ZBTB20: variants seen among roughly 807,000 people sequenced by gnomAD.
ZBTB20 encodes zinc finger and BTB domain-containing protein 20.
In ZBTB20, 9 loss-of-function variants were observed where a neutral mutation model predicts 56.9. The ratio of observed to expected loss-of-function variants is 0.16; its 90% CI spans 0.10 to 0.28. ZBTB20 has a LOEUF of 0.28. Among genes scored for constraint, ZBTB20 ranks in the 10% least tolerant of loss-of-function variants. ZBTB20 has a pLI of 1.00. For synonymous variants in ZBTB20, 417 were observed against 420.7 expected (o/e 0.99, Z 0.11); for missense variants, 655 against 1,003.0 (o/e 0.65, Z 4.69).
chr3:114,506,979 G>A lies in ZBTB20; in HGVS notation c.-294-6588C>T, dbSNP rs556498936. ...GTGAAACACAGCACGACACTCCAAT[G>A]TTTGTTGAATAAATGCTGTCCGTCT... is the stretch of plus-strand genomic sequence containing the variant. On this transcript the variant is annotated intron_variant, in intron 6 of 11. Transcript: ENST00000675478. Among the ~76,000 whole-genome samples the A allele has an allele frequency of 3.3e-5, 5 of 152,288 alleles. No individual in the cohort carries two copies. The South Asian group carries it at 1.0e-3, about 32-fold the overall frequency.
intron 8 of ZBTB20, among the ~76,000 whole-genome samples, chr3:114,381,287 T>C (rs1418442699): frequency 5.3e-5 from 8 of 152,176 alleles, no homozygotes; most frequent in Admixed American, 5.2e-4. Flanking sequence ...TGTGATTGTG[T>C]GTTTGGGACA....
intron 1 of ZBTB20, among the ~76,000 whole-genome samples, chr3:115,094,534 A>T (rs2083308908): frequency 6.6e-6 from 1 of 151,466 alleles, no homozygotes; most frequent in Admixed American, 6.6e-5. Context: ...GTTTTCTGCT[A>T]GTAATAGCTT....
intron 6 of ZBTB20, among the ~76,000 whole-genome samples, chr3:114,569,270 A>AT (rs2053150000): frequency 6.6e-6 from 1 of 152,182 alleles, no homozygotes; most frequent in East Asian, 1.9e-4. Context: ...TCCATTGCAC[A>AT]TTTTTTAGCC....
rs1159538311 is a variant in ZBTB20 at position 114,420,476 on chromosome 3, G to T, written c.-254-31371C>A. On this transcript the variant is annotated intron_variant, in intron 7 of 11. Transcript: ENST00000675478. ...CCATTGGAGCTGAACGAATAAAAAG[G>T]TGTCTTGCCCGCCTGTGCACATACA... Among the ~76,000 whole-genome samples the T allele has an allele frequency of 5.3e-5, 8 of 152,124 alleles. No individual in the cohort carries two copies. In the South Asian group the frequency reaches 1.7e-3, roughly 31 times the overall value.
rs570213416 is a variant in ZBTB20, at chr3:114,918,214, C to T, written c.-455-17872G>A. On this transcript the variant is annotated intron_variant, in intron 3 of 11. Coordinates refer to ENST00000675478, the MANE Select transcript of ZBTB20 (RefSeq NM_001348800.3). ...CAAGACCCAAAGGTTCTTCAGTCAG[C>T]TTGTGGTGAATGCTGCCAGGCCTGG... Among the ~76,000 whole-genome samples, 4 of 152,236 alleles carry T rather than the reference C, an allele frequency of 2.6e-5. No homozygotes were observed. The East Asian group carries it at 7.8e-4, about 30-fold the overall frequency.
At position 114,806,690 on chromosome 3, in the gene ZBTB20, T is replaced by A. The variant is rs2072131327; in HGVS notation, c.-416-5516A>T. Reference sequence around the variant, plus strand: ...TTTCTAACCCAAAGTCATGAAGATTTTCTCCTGTTTTCTTCTAGAAATTTT... The same window carrying A: ...TTTCTAACCCAAAGTCATGAAGATTATCTCCTGTTTTCTTCTAGAAATTTT... On this transcript the variant is annotated intron_variant, in intron 4 of 11. Coordinates refer to ENST00000675478, the MANE Select transcript of ZBTB20 (RefSeq NM_001348800.3). 2.0e-5 allele frequency among the ~76,000 whole-genome samples: 3 copies of A among 152,030 alleles called. No individual in the cohort carries two copies. The South Asian group carries it at 6.2e-4, about 32-fold the overall frequency.
At chr3:114,696,120 G>A (rs1462823623) in intron 5 of ZBTB20, among the ~76,000 whole-genome samples, 1 of 152,018 alleles carries the variant, frequency 6.6e-6, no homozygotes, top group African/African-American at 2.4e-5. Flanking sequence ...TCACCCAGTT[G>A]TTAAAACAGA....
intron 2 of ZBTB20, among the ~76,000 whole-genome samples, chr3:115,017,558 T>A (rs1370768640): frequency 6.6e-6 from 1 of 151,660 alleles, no homozygotes; most frequent in African/African-American, 2.4e-5. Context: ...AGATGGCAAT[T>A]TTTATTTAGA....
intron 5 of ZBTB20, among the ~76,000 whole-genome samples, chr3:114,761,695 G>T (rs920014467): frequency 6.6e-6 from 1 of 151,852 alleles, no homozygotes; most frequent in Admixed American, 6.6e-5. Context: ...ACTAGATGGG[G>T]TGGTGGCAGA....
At chr3:114,771,531 A>G (rs910299413) in intron 5 of ZBTB20, among the ~76,000 whole-genome samples, 5 of 152,210 alleles carry the variant, frequency 3.3e-5, no homozygotes, top group South Asian at 2.1e-4. Context: ...TCTGAAATAT[A>G]TAGTCTAATA....
At chr3:114,382,336 T>C (rs2084472159) in intron 8 of ZBTB20, among the ~76,000 whole-genome samples, 1 of 152,218 alleles carries the variant, frequency 6.6e-6, no homozygotes, top group Non-Finnish European at 1.5e-5. Flanking sequence ...AAATCTAAGA[T>C]GACTACATTA....
intron 2 of ZBTB20, among the ~76,000 whole-genome samples, chr3:114,981,882 T>C (rs1375895298): frequency 6.6e-6 from 1 of 152,038 alleles, no homozygotes; most frequent in African/African-American, 2.4e-5. Context: ...TTTTCTTGTG[T>C]GTTATTATAT....
intron 1 of ZBTB20, among the ~76,000 whole-genome samples, chr3:115,074,273 A>G (rs1432627310): frequency 6.6e-6 from 1 of 152,188 alleles, no homozygotes; most frequent in African/African-American, 2.4e-5. Context: ...ACTACAATTA[A>G]CAGTAATTAA....
intron 6 of ZBTB20, among the ~76,000 whole-genome samples, chr3:114,671,367 T>A (rs1330018454): frequency 6.6e-6 from 1 of 152,120 alleles, no homozygotes; most frequent in Non-Finnish European, 1.5e-5. Flanking sequence ...CATAATTTTG[T>A]ATTCTTTTTC....
intron 5 of ZBTB20, among the ~76,000 whole-genome samples, chr3:114,750,296 T>C (rs956861099): frequency 6.6e-6 from 1 of 152,104 alleles, no homozygotes; most frequent in Non-Finnish European, 1.5e-5. Context: ...AAATAGGCCC[T>C]AGCCTGCAGG....
intron 2 of ZBTB20, among the ~76,000 whole-genome samples, chr3:114,991,815 T>C (rs1206639700): frequency 1.3e-5 from 2 of 152,154 alleles, no homozygotes; most frequent in East Asian, 1.9e-4. Flanking sequence ...ATATTTAGGA[T>C]AGTTAGCTCT....
intron 1 of ZBTB20, among the ~76,000 whole-genome samples, chr3:115,113,598 C>A (rs2083939329): frequency 6.6e-6 from 1 of 152,208 alleles, no homozygotes; most frequent in Non-Finnish European, 1.5e-5. Context: ...TGCAGAACAA[C>A]AGCAGCCACC....
At position 114,350,132 on chromosome 3, in the gene ZBTB20, G is replaced by T. The variant is rs976854193; in HGVS notation, c.1804+142C>A. On this transcript the variant is annotated intron_variant, in intron 11 of 11. Transcript: ENST00000675478. ...TTATGATGGGAGGAACACAGTTGGG[G>T]TTTCTAGAAGAGGCTTGTGGTGGGG... 8 of 1,235,904 alleles carry T rather than the reference G, an allele frequency of 6.5e-6. No individual in the cohort carries two copies. The African/African-American group carries it at 7.6e-5, about 12-fold the overall frequency. The allele number at this position is 1,235,904 out of a possible 1,614,324, so 76.6% of individuals were successfully genotyped here. A position where few individuals can be genotyped will look rare whatever the true frequency, so the allele number is the denominator to read the frequency against.
chr3:114,830,674 G>T (rs1421030948), intron 4 of ZBTB20, among the ~76,000 whole-genome samples: 2 of 151,978 alleles, frequency 1.3e-5, no homozygotes, highest in East Asian at 3.9e-4. Context: ...ACTCAGAGAA[G>T]TTAGAGTTAA....
Sources: allele counts gnomAD v4.1 joint callset (sites outside exome capture counted in the v4.1 genomes callset), GRCh38; gene constraint gnomAD v4.1.1; transcripts MANE v1.5; gene names NCBI Gene and HGNC (gene_info 2026-07-23, HGNC 2026-07-21).